The following ZFAT variants were observed in gnomAD, a reference collection of about 807,000 sequenced individuals.
The protein encoded by ZFAT is zinc finger and AT-hook domain containing.
In ZFAT, 64 loss-of-function variants were observed where a neutral mutation model predicts 117.7. The observed-to-expected ratio is 0.54, with a 90% CI of 0.44 to 0.67. The LOEUF (loss-of-function observed/expected upper bound fraction) is 0.67. Ranked by LOEUF, ZFAT falls within the 30% of genes least tolerant of loss-of-function variation. The pLI, the probability that ZFAT is intolerant of heterozygous loss-of-function variation, is 0.00. For synonymous variants in ZFAT, 679 were observed against 615.0 expected, an observed-to-expected ratio of 1.10 and a Z score of -1.54; for missense variants, 1,433 against 1,584.5, an observed-to-expected ratio of 0.90 and a Z score of 1.62.
the ZFAT span, chr8:134,793,415 TG>T: frequency 6.6e-6 from 1 of 152,214 alleles, no homozygotes; most frequent in South Asian, 2.1e-4. Flanking sequence ...TCTGAGTGCT[TG>T]GTATGTGCCA....
At chr8:134,758,140 T>C in the ZFAT span, among the ~76,000 whole-genome samples, 1 of 152,100 alleles carries the variant, frequency 6.6e-6, no homozygotes, top group Admixed American at 6.5e-5. Context: ...CATAGGAGCT[T>C]GATGTACTAG....
At chr8:134,493,069 G>C (rs1818166812) in intron 15 of ZFAT, among the ~76,000 whole-genome samples, 1 of 152,208 alleles carries the variant, frequency 6.6e-6, no homozygotes, top group Non-Finnish European at 1.5e-5. Flanking sequence ...TGTCTTGGTT[G>C]TAAGTAGACA....
intron 11 of ZFAT, among the ~76,000 whole-genome samples, chr8:134,547,910 A>G (rs979079872): frequency 6.6e-6 from 1 of 152,138 alleles, no homozygotes; most frequent in African/African-American, 2.4e-5. Context: ...GCACTTACAC[A>G]TGTTTTATCT....
chr8:134,548,316 C>G (rs1822856300), intron 11 of ZFAT, among the ~76,000 whole-genome samples: 1 of 152,156 alleles, frequency 6.6e-6, no homozygotes. Context: ...GAGCCAAGAC[C>G]TGAAGGAGGT....
intron 15 of ZFAT, among the ~76,000 whole-genome samples, chr8:134,506,943 T>C (rs912741794): frequency 1.3e-5 from 2 of 152,246 alleles, no homozygotes; most frequent in African/African-American, 4.8e-5. Context: ...TCTCCGGCAA[T>C]ACTGATTTGT....
At chr8:134,820,579 G>C in the ZFAT span, among the ~76,000 whole-genome samples, 1 of 152,094 alleles carries the variant, frequency 6.6e-6, no homozygotes, top group Non-Finnish European at 1.5e-5. Flanking sequence ...ATTATTCTGG[G>C]ACCAGCCATA....
At chr8:134,634,255 ATAT>A (rs1213288653) in intron 3 of ZFAT, among the ~76,000 whole-genome samples, 1 of 152,226 alleles carries the variant, frequency 6.6e-6, no homozygotes, top group Non-Finnish European at 1.5e-5. Context: ...AGATCACAGA[ATAT>A]TATGAATAAT....
chr8:134,493,468 G>A (rs1221278815), intron 15 of ZFAT, among the ~76,000 whole-genome samples: 1 of 152,234 alleles, frequency 6.6e-6, no homozygotes, highest in Non-Finnish European at 1.5e-5. Context: ...AACAGAAAGA[G>A]GATGCCCATG....
At chr8:134,562,384 C>T (rs1460523012) in intron 11 of ZFAT, among the ~76,000 whole-genome samples, 1 of 152,036 alleles carries the variant, frequency 6.6e-6, no homozygotes, top group African/African-American at 2.4e-5. Flanking sequence ...GTTACAGGAG[C>T]AATAGGAAAT....
intron 1 of ZFAT, among the ~76,000 whole-genome samples, chr8:134,694,802 C>A (rs1367285115): frequency 1.3e-5 from 2 of 152,140 alleles, no homozygotes; most frequent in African/African-American, 4.8e-5. Context: ...TCCATGTAAC[C>A]AAAGCCTTTC....
the ZFAT span, among the ~76,000 whole-genome samples, chr8:134,719,912 A>T: frequency 6.6e-6 from 1 of 152,232 alleles, no homozygotes; most frequent in Non-Finnish European, 1.5e-5. Context: ...CCAATGAACT[A>T]TGCCTCCTTG....
At chr8:134,766,115 A>G in the ZFAT span, 2 of 152,224 alleles carry the variant, frequency 1.3e-5, no homozygotes, top group African/African-American at 2.4e-5. Context: ...ATTGTCAATT[A>G]TCTACTTTCT....
the ZFAT span, among the ~76,000 whole-genome samples, chr8:134,730,188 C>A: frequency 6.6e-6 from 1 of 152,198 alleles, no homozygotes; most frequent in Non-Finnish European, 1.5e-5. Context: ...GAAGCCTGCA[C>A]TCTCCTCATC....
intron 7 of ZFAT, among the ~76,000 whole-genome samples, chr8:134,595,161 C>T (rs1240344164): frequency 1.3e-5 from 2 of 152,212 alleles, no homozygotes; most frequent in African/African-American, 4.8e-5. Flanking sequence ...ACACCCAGCA[C>T]ATTCATGCAC....
chr8:134,545,507 A>T (rs911789612), intron 11 of ZFAT, among the ~76,000 whole-genome samples: 2 of 152,196 alleles, frequency 1.3e-5, no homozygotes, highest in Admixed American at 6.5e-5. Context: ...GTAATAAATT[A>T]AAAAAATGAG....
At chr8:134,748,454 G>T in the ZFAT span, among the ~76,000 whole-genome samples, 1 of 151,934 alleles carries the variant, frequency 6.6e-6, no homozygotes, top group African/African-American at 2.4e-5. Context: ...GATTTGATTT[G>T]CTTATTTTCC....
chr8:134,576,222 C>G (rs1403253404), intron 10 of ZFAT, among the ~76,000 whole-genome samples: 2 of 152,144 alleles, frequency 1.3e-5, no homozygotes, highest in Non-Finnish European at 2.9e-5. Flanking sequence ...CAGTAAGCTG[C>G]GTAGTTCATT....
intron 12 of ZFAT, among the ~76,000 whole-genome samples, chr8:134,530,127 G>A (rs1289173765): frequency 1.3e-5 from 2 of 152,180 alleles, no homozygotes; most frequent in East Asian, 3.8e-4. Context: ...TAACACAGCT[G>A]ATACACAAGG....
upstream of ZFAT, among the ~76,000 whole-genome samples, chr8:134,714,131 A>T (rs76236380): frequency 7.7e-6 from 1 of 129,378 alleles, no homozygotes; most frequent in Admixed American, 7.9e-5. Context: ...AAAAAAAAAA[A>T]GTGTAAAAGC....
Sources: allele counts gnomAD v4.1 joint callset (sites outside exome capture counted in the v4.1 genomes callset), GRCh38; gene constraint gnomAD v4.1.1; transcripts MANE v1.5; gene names NCBI Gene and HGNC (gene_info 2026-07-23, HGNC 2026-07-21).